Variants in FAM184B observed in about 807,000 individuals in gnomAD.
FAM184B encodes protein FAM184B.
Under a neutral mutation model 135.9 loss-of-function variants are expected in FAM184B, and 111 were observed. The observed-to-expected ratio is 0.82, with a 90% CI of 0.70 to 0.96. FAM184B has a LOEUF of 0.96. Ranked by LOEUF, FAM184B falls within the 40% of genes least tolerant of loss-of-function variation. The pLI, the probability that FAM184B is intolerant of heterozygous loss-of-function variation, is 0.00. For missense variants in FAM184B, 1,375 were observed against 1,323.9 expected, an observed-to-expected ratio of 1.04 and a Z score of -0.60; for synonymous variants, 552 against 524.8, an observed-to-expected ratio of 1.05 and a Z score of -0.71.
chr4:17,639,528 C>T (rs1279128782), intron 13 of FAM184B, 132 bp from the exon 14 acceptor site: 2 of 1,097,160 alleles, frequency 1.8e-6, no homozygotes, highest in Non-Finnish European at 2.6e-6. Flanking sequence ...TCTAAGGACA[C>T]CTGTGGGAAG....
At position 17,705,791 on chromosome 4, in the gene FAM184B, G is replaced by A; in HGVS notation, c.1131C>T (p.Leu377=). ...NLHPQQDQSC[L]KECPCMKGGT... Reference sequence around the variant, plus strand: ...CTCCTTTCATGCAAGGGCACTCCTTGAGACAGCTTTGATCCTGCTGAGGAT... The same window carrying A: ...CTCCTTTCATGCAAGGGCACTCCTTAAGACAGCTTTGATCCTGCTGAGGAT... The change falls in exon 4 of 18, where the codon CTC becomes CTT. Residue 377 remains leucine (L), a synonymous_variant. Coordinates refer to ENST00000265018, the MANE Select transcript of FAM184B (RefSeq NM_015688.2). 1 of 1,551,912 alleles carries A rather than the reference G, an allele frequency of 6.4e-7. No homozygotes were observed. The highest frequency in any genetic ancestry group is 8.7e-7 in the Non-Finnish European group (1 of 1,147,036).
intron 1 of FAM184B, among the ~76,000 whole-genome samples, chr4:17,760,906 T>A (rs1305662227): frequency 6.6e-6 from 1 of 152,214 alleles, no homozygotes; most frequent in Non-Finnish European, 1.5e-5. Context: ...AAAGTCAATG[T>A]CAAAGGTTGC....
At chr4:17,646,962 G>T (rs114754999) in intron 12 of FAM184B, among the ~76,000 whole-genome samples, 1 of 152,090 alleles carries the variant, frequency 6.6e-6, no homozygotes, top group Non-Finnish European at 1.5e-5. Flanking sequence ...TAGGGGAACA[G>T]CAAGGTCTAG....
chr4:17,678,611 A>G (rs1365919180), intron 7 of FAM184B, among the ~76,000 whole-genome samples: 1 of 152,222 alleles, frequency 6.6e-6, no homozygotes, highest in African/African-American at 2.4e-5. Flanking sequence ...GCCAAAAGCA[A>G]TCTGCAAATT....
chr4:17,658,379 G>T lies in FAM184B; in HGVS notation c.2008C>A (p.Leu670Met), dbSNP rs1262609736. Reference protein sequence around the residue: ...EASHQRALRMLEKARHQELKA... With the variant: ...EASHQRALRMMEKARHQELKA... ...AGTTCCTGATGTCTGGCCTTCTCCA[G>T]CATGCGCAGGGCTCTCTGGTGGGAA... The change falls in exon 10 of 18, where the codon CTG becomes ATG. Residue 670 changes from leucine (L) to methionine (M), a missense_variant. By Grantham distance (15) the Leu-to-Met change is conservative. Transcript: ENST00000265018. 2 of 1,551,666 alleles carry T rather than the reference G, an allele frequency of 1.3e-6. No individual in the cohort carries two copies. Among genetic ancestry groups the T allele is most frequent in the Non-Finnish European group, 1.7e-6 (2 of 1,146,996 alleles).
intron 1 of FAM184B, among the ~76,000 whole-genome samples, chr4:17,734,395 AC>A (rs1161555621): frequency 6.6e-6 from 1 of 152,092 alleles, no homozygotes; most frequent in East Asian, 1.9e-4. Flanking sequence ...TGAACAGGCA[AC>A]CTACAAAATG....
intron 1 of FAM184B, among the ~76,000 whole-genome samples, chr4:17,744,320 C>G (rs1160635148): frequency 1.3e-5 from 2 of 152,088 alleles, no homozygotes; most frequent in Non-Finnish European, 2.9e-5. Flanking sequence ...TCCTAGAAAT[C>G]TGCCTACTAC....
In FAM184B at chr4:17,748,505, ATTT is replaced by A. The variant is rs34998803; in HGVS notation, c.141+32651_141+32653del. On this transcript the variant is annotated intron_variant, in intron 1 of 17. Transcript: ENST00000265018. ...TCCCTTACTTTAATCCTCTTGTGTA[ATTT>A]TTTTTTTTTTTTTTTTTTTTTTTTA... 5.2e-3 allele frequency among the ~76,000 whole-genome samples: 517 copies of A among 98,524 alleles called. 5 individuals carry two copies. The highest frequency in any genetic ancestry group is 0.021 in the African/African-American group (489 of 23,154). 64.6% of individuals were successfully genotyped at this position (98,524 alleles called of 152,430 possible).
At chr4:17,749,813 A>G (rs1718252903) in intron 1 of FAM184B, among the ~76,000 whole-genome samples, 1 of 152,174 alleles carries the variant, frequency 6.6e-6, no homozygotes, top group Admixed American at 6.5e-5. Flanking sequence ...TATATATTTT[A>G]AGGTATTTAT....
chr4:17,705,280 TAC>T, intron 4 of FAM184B, 74 bp from the exon 5 acceptor site: 1 of 1,093,094 alleles, frequency 9.1e-7, no homozygotes, highest in Non-Finnish European at 1.3e-6. Context: ...TTCCCTTTCA[TAC>T]AACTTTTACA....
intron 5 of FAM184B, among the ~76,000 whole-genome samples, chr4:17,697,226 T>G (rs542230431): frequency 6.6e-6 from 1 of 152,176 alleles, no homozygotes; most frequent in African/African-American, 2.4e-5. Flanking sequence ...TGACTGAATG[T>G]GAGGGGTGAG....
At chr4:17,709,980 T>C (rs74943343) in intron 1 of FAM184B, among the ~76,000 whole-genome samples, 165 of 152,306 alleles carry the variant, frequency 1.1e-3, no homozygotes, top group African/African-American at 3.8e-3. Context: ...TGTCATCTCA[T>C]TTGTTCAGAA....
intron 1 of FAM184B, among the ~76,000 whole-genome samples, chr4:17,754,667 A>T (rs1160259209): frequency 1.3e-5 from 2 of 152,120 alleles, no homozygotes; most frequent in South Asian, 4.1e-4. Flanking sequence ...AACTGCACAC[A>T]TGCACACACC....
In FAM184B at chr4:17,705,886, T is replaced by C. The variant is rs1040612378; in HGVS notation, c.1036A>G (p.Met346Val). ...ECRGTQQTDA[M>V]KTELVSENKV... Reference sequence around the variant, plus strand: ...TTCTCTGAAACTAACTCAGTCTTCATGGCATCTGCAAGCATACATTTCAGC... The same window carrying C: ...TTCTCTGAAACTAACTCAGTCTTCACGGCATCTGCAAGCATACATTTCAGC... Residue 346 changes from methionine (M) to valine (V), a missense_variant, in exon 4 of 18, where the codon ATG (methionine) becomes GTG (valine). By Grantham distance (21) the Met-to-Val change is conservative (BLOSUM62 1). Transcript: ENST00000265018. The C allele has an allele frequency of 9.0e-6, 14 of 1,552,182 alleles. No individual in the cohort carries two copies. Among genetic ancestry groups the C allele is most frequent in the African/African-American group, 1.4e-5 (1 of 73,078 alleles).
chr4:17,639,396 C>T lies in FAM184B; in HGVS notation c.2520G>A (p.Arg840=), dbSNP rs1209797636. The stretch of plus-strand genomic sequence containing the variant: ...GGGCTTGCTGAGTCTCCTCCAGGAA[C>T]CTGTGGTGGATGAAAGCACAGCCAG... ...QEAQKLRDQR[R]FLEETQQAQR... is the part of the protein sequence containing the mutation. The change falls in exon 14 of 18, where the codon AGG becomes AGA. Residue 840 remains arginine, a splice_region_variant and synonymous_variant. Transcript: ENST00000265018. The T allele has an allele frequency of 6.4e-7, 1 of 1,551,526 alleles. No homozygotes were observed. The highest frequency in any genetic ancestry group is 8.7e-7 in the Non-Finnish European group (1 of 1,146,984).
At chr4:17,660,848 T>C (rs9283698) in intron 8 of FAM184B, among the ~76,000 whole-genome samples, 106,091 of 151,792 alleles carry the variant, frequency 0.7, 37,736 homozygotes, top group East Asian at 0.93. Context: ...AGCAGCATCT[T>C]CTTCCCCTGA....
chr4:17,742,952 G>A (rs989713045), intron 1 of FAM184B, among the ~76,000 whole-genome samples: 2 of 152,332 alleles, frequency 1.3e-5, no homozygotes, highest in East Asian at 3.9e-4. Context: ...AAAAGCATTG[G>A]TTATACATGC....
intron 1 of FAM184B, among the ~76,000 whole-genome samples, chr4:17,723,808 C>T (rs1560185982): frequency 6.6e-6 from 1 of 152,168 alleles, no homozygotes; most frequent in Non-Finnish European, 1.5e-5. Flanking sequence ...TCCCAGCATT[C>T]CCAGAAGAAC....
chr4:17,680,728 C>A (rs1259482684), intron 7 of FAM184B, among the ~76,000 whole-genome samples: 2 of 152,150 alleles, frequency 1.3e-5, no homozygotes, highest in Non-Finnish European at 2.9e-5. Context: ...CCTTTCCAAA[C>A]CATCTACTGC....
Sources: gnomAD v4.1 joint callset for allele counts (sites outside exome capture counted in the v4.1 genomes callset) on GRCh38, gnomAD v4.1.1 for gene constraint, MANE v1.5 for transcripts, NCBI Gene and HGNC (gene_info 2026-07-23, HGNC 2026-07-21) for gene names.